The following SPMIP2 variants were observed in gnomAD, a reference collection of about 807,000 sequenced individuals.
SPMIP2 encodes sperm microtubule inner protein 2.
chr4:158,920,100 A>G, the SPMIP2 span, among the ~76,000 whole-genome samples: 4 of 152,236 alleles, frequency 2.6e-5, no homozygotes, highest in African/African-American at 9.6e-5. Context: ...TGAAGATTTC[A>G]TGGATATTTA....
chr4:158,995,274 G>T, the SPMIP2 span, among the ~76,000 whole-genome samples: 2 of 152,138 alleles, frequency 1.3e-5, no homozygotes, highest in South Asian at 2.1e-4. Flanking sequence ...CAACCTGAAA[G>T]CAGGGGCAGT....
chr4:159,043,511 C>G, the SPMIP2 span, among the ~76,000 whole-genome samples: 2 of 152,104 alleles, frequency 1.3e-5, no homozygotes, highest in Non-Finnish European at 2.9e-5. Context: ...CCTTGCCTGG[C>G]TAATTTTTTG....
chr4:159,013,237 A>G, the SPMIP2 span, among the ~76,000 whole-genome samples: 2 of 152,214 alleles, frequency 1.3e-5, no homozygotes, highest in East Asian at 3.8e-4. Context: ...AGTTCTGGGT[A>G]TATACCCAAA....
chr4:158,988,267 A>C, the SPMIP2 span, among the ~76,000 whole-genome samples: 7 of 152,326 alleles, frequency 4.6e-5, no homozygotes, highest in African/African-American at 1.7e-4. Flanking sequence ...GCCAACCAAA[A>C]AATGTCCAGG....
At chr4:158,913,559 A>C in the SPMIP2 span, among the ~76,000 whole-genome samples, 26 of 152,202 alleles carry the variant, frequency 1.7e-4, no homozygotes, top group Admixed American at 1.7e-3. Context: ...AGATTAGATA[A>C]TAATACTCTA....
chr4:158,986,561 G>C, the SPMIP2 span, among the ~76,000 whole-genome samples: 4 of 151,910 alleles, frequency 2.6e-5, no homozygotes, highest in African/African-American at 7.3e-5. Flanking sequence ...ATGGTGCTGG[G>C]AAAACTAGCT....
chr4:158,937,927 C>G, the SPMIP2 span, among the ~76,000 whole-genome samples: 7,814 of 152,172 alleles, frequency 0.051, 534 homozygotes, highest in African/African-American at 0.16. Context: ...ATTTTTTATA[C>G]CAGCTTAAAT....
the SPMIP2 span, chr4:159,007,218 CAGA>C: frequency 7.3e-7 from 1 of 1,372,626 alleles, no homozygotes; most frequent in Non-Finnish European, 1.0e-6. Flanking sequence ...AATTCCTCTA[CAGA>C]TTCTTGCCAC....
chr4:158,943,561 C>T, the SPMIP2 span, among the ~76,000 whole-genome samples: 2 of 152,072 alleles, frequency 1.3e-5, no homozygotes, highest in Admixed American at 6.6e-5. Context: ...TGTTATATAT[C>T]TTTTACCACC....
chr4:158,951,720 T>G, the SPMIP2 span, among the ~76,000 whole-genome samples: 1 of 152,188 alleles, frequency 6.6e-6, no homozygotes, highest in Non-Finnish European at 1.5e-5. Flanking sequence ...GAATGTCAGA[T>G]TAGTGGCAAA....
At chr4:159,002,511 G>A in the SPMIP2 span, among the ~76,000 whole-genome samples, 1 of 152,090 alleles carries the variant, frequency 6.6e-6, no homozygotes, top group Admixed American at 6.6e-5. Context: ...GAGCTACTGT[G>A]CCCAGCCTAA....
chr4:158,962,168 A>C, the SPMIP2 span, among the ~76,000 whole-genome samples: 1 of 152,156 alleles, frequency 6.6e-6, no homozygotes, highest in Admixed American at 6.5e-5. Context: ...AAAACTGTTA[A>C]ATTTGAGTTA....
the SPMIP2 span, chr4:158,906,302 G>A: frequency 6.6e-6 from 1 of 152,142 alleles, no homozygotes; most frequent in Non-Finnish European, 1.5e-5. Context: ...CAGAGCTGAT[G>A]TTACAGCTTT....
the SPMIP2 span, among the ~76,000 whole-genome samples, chr4:159,018,657 T>G: frequency 1.1e-4 from 17 of 152,240 alleles, no homozygotes; most frequent in African/African-American, 4.1e-4. Flanking sequence ...TGGTTCAGAA[T>G]GCTGGTCTTG....
chr4:158,993,480 GT>G, the SPMIP2 span, among the ~76,000 whole-genome samples: 4 of 151,184 alleles, frequency 2.6e-5, no homozygotes, highest in East Asian at 1.9e-4. Context: ...CTTCTGTGCA[GT>G]TTTTTTTTAA....
the SPMIP2 span, among the ~76,000 whole-genome samples, chr4:159,057,358 T>G: frequency 6.6e-6 from 1 of 152,178 alleles, no homozygotes; most frequent in Non-Finnish European, 1.5e-5. Flanking sequence ...TTAATCTGAG[T>G]TTTTTTATAA....
At chr4:158,953,316 A>G in the SPMIP2 span, among the ~76,000 whole-genome samples, 1 of 152,190 alleles carries the variant, frequency 6.6e-6, no homozygotes, top group Non-Finnish European at 1.5e-5. Flanking sequence ...GCCAACATAG[A>G]GCTTGGGCCA....
At chr4:159,030,379 C>T in the SPMIP2 span, among the ~76,000 whole-genome samples, 1 of 151,740 alleles carries the variant, frequency 6.6e-6, no homozygotes, top group Admixed American at 6.6e-5. Context: ...TGCCACTGCA[C>T]TCTAGCCTGG....
At chr4:158,983,127 G>A in the SPMIP2 span, among the ~76,000 whole-genome samples, 5 of 151,992 alleles carry the variant, frequency 3.3e-5, no homozygotes, top group African/African-American at 1.2e-4. Flanking sequence ...AATAAAAGGA[G>A]ACGAACAAAG....
Sources: allele counts gnomAD v4.1 joint callset (sites outside exome capture counted in the v4.1 genomes callset), GRCh38; gene constraint gnomAD v4.1.1; transcripts MANE v1.5; gene names NCBI Gene and HGNC (gene_info 2026-07-23, HGNC 2026-07-21).